The following GALNTL6 variants were observed in gnomAD, a reference collection of about 807,000 sequenced individuals.
GALNTL6 encodes polypeptide N-acetylgalactosaminyltransferase like 6.
In GALNTL6, 46 loss-of-function variants were observed where a neutral mutation model predicts 73.7. The ratio of observed to expected loss-of-function variants is 0.62; its 90% CI spans 0.49 to 0.80. The LOEUF (loss-of-function observed/expected upper bound fraction) is 0.80, where lower values mean the gene tolerates loss of function less well. GALNTL6 is among the 30% of genes least tolerant of loss of function. The pLI is 0.00. For missense variants in GALNTL6, 604 were observed against 755.0 expected, an observed-to-expected ratio of 0.80 and a Z score of 2.34; for synonymous variants, 259 against 263.7, an observed-to-expected ratio of 0.98 and a Z score of 0.17.
chr4:172,813,439 G>C, intron 6 of GALNTL6, 101 bp from the exon 7 acceptor site: 4 of 890,212 alleles, frequency 4.5e-6, no homozygotes, highest in Non-Finnish European at 6.8e-6. Flanking sequence ...ACGGCTGCAA[G>C]CATTATGCAT....
At chr4:172,715,947 C>A in intron 5 of GALNTL6, among the ~76,000 whole-genome samples, 1 of 152,066 alleles carries the variant, frequency 6.6e-6, no homozygotes. Context: ...CTCAAATAAT[C>A]CTGGTATTTA....
chr4:172,165,434 C>A (rs60221121), intron 2 of GALNTL6, among the ~76,000 whole-genome samples: 1,596 of 152,240 alleles, frequency 0.01, 28 homozygotes, highest in African/African-American at 0.035. Context: ...CCCACCACAT[C>A]ATAGCTGTTC....
Position 172,588,444 on chromosome 4 carries a change from C to G in GALNTL6, c.554-220917C>G, listed in dbSNP as rs537819354. Among the ~76,000 whole-genome samples, 104 of 151,370 alleles carry G rather than the reference C, an allele frequency of 6.9e-4. 1 individual carries two copies. Among genetic ancestry groups the G allele is most frequent in the African/African-American group, 2.5e-3 (103 of 41,252 alleles). On this transcript the variant is annotated intron_variant, in intron 5 of 12. Transcript: ENST00000506823. The stretch of plus-strand genomic sequence containing the variant: ...CCCTGTCTCAGCAAAAAATACAAAA[C>G]TTAGCTGAGCGTGGTGGCGTGTACC...
chr4:172,723,545 T>A (rs1206848446), intron 5 of GALNTL6, among the ~76,000 whole-genome samples: 4 of 152,200 alleles, frequency 2.6e-5, no homozygotes, highest in Non-Finnish European at 5.9e-5. Flanking sequence ...TTATCTTTTT[T>A]TATACTGTCC....
chr4:172,164,121 G>A (rs1219125271), intron 2 of GALNTL6, among the ~76,000 whole-genome samples: 1 of 151,908 alleles, frequency 6.6e-6, no homozygotes, highest in Non-Finnish European at 1.5e-5. Flanking sequence ...TGAGCATATG[G>A]CCAATGAATA....
rs191600616 is a variant in GALNTL6, at chr4:172,701,968, A to T, written c.554-107393A>T. On this transcript the variant is annotated intron_variant, in intron 5 of 12. Coordinates refer to ENST00000506823, the MANE Select transcript of GALNTL6 (RefSeq NM_001034845.3). ...AAAATCAAACAAAATAAAAAATATT[A>T]CCCTAAACATCAGACAAAAAGAAAT... Among the ~76,000 whole-genome samples, 472 of 152,206 alleles carry T rather than the reference A, an allele frequency of 3.1e-3. 4 individuals are homozygous for T. Among genetic ancestry groups the T allele is most frequent in the Non-Finnish European group, 5.1e-3 (348 of 67,974 alleles).
chr4:172,439,883 T>C (rs542146206), intron 5 of GALNTL6, among the ~76,000 whole-genome samples: 1 of 152,052 alleles, frequency 6.6e-6, no homozygotes, highest in Non-Finnish European at 1.5e-5. Flanking sequence ...CCCAACAGAG[T>C]GGAACATTTG....
At chr4:171,970,893 A>G (rs1477049255) in intron 2 of GALNTL6, among the ~76,000 whole-genome samples, 2 of 152,254 alleles carry the variant, frequency 1.3e-5, no homozygotes, top group Admixed American at 1.3e-4. Flanking sequence ...TCACTACTGA[A>G]GTCAATATCT....
chr4:172,857,377 T>C (rs574214909), intron 7 of GALNTL6, among the ~76,000 whole-genome samples: 1 of 152,194 alleles, frequency 6.6e-6, no homozygotes, highest in African/African-American at 2.4e-5. Context: ...CTATGTCTCA[T>C]CCACTTAGCA....
At chr4:172,718,076 G>A (rs1007086094) in intron 5 of GALNTL6, among the ~76,000 whole-genome samples, 1 of 152,174 alleles carries the variant, frequency 6.6e-6, no homozygotes, top group Non-Finnish European at 1.5e-5. Flanking sequence ...TGGAAACTAG[G>A]TGGTAGAATG....
At chr4:171,973,488 A>G (rs1739629801) in intron 2 of GALNTL6, among the ~76,000 whole-genome samples, 1 of 151,978 alleles carries the variant, frequency 6.6e-6, no homozygotes, top group Non-Finnish European at 1.5e-5. Flanking sequence ...AATTTCTGTC[A>G]CGTTTTCACA....
chr4:172,849,049 C>T (rs1279268175), intron 7 of GALNTL6, among the ~76,000 whole-genome samples: 1 of 151,990 alleles, frequency 6.6e-6, no homozygotes, highest in Non-Finnish European at 1.5e-5. Context: ...CCATCCCCAT[C>T]CCCTGAAAGC....
intron 5 of GALNTL6, among the ~76,000 whole-genome samples, chr4:172,593,068 C>T (rs1579221682): frequency 2.0e-5 from 3 of 152,154 alleles, no homozygotes; most frequent in Non-Finnish European, 4.4e-5. Context: ...GGAAAAAAGA[C>T]AACCCACCAC....
chr4:172,503,859 G>C (rs1734352149), intron 5 of GALNTL6, among the ~76,000 whole-genome samples: 1 of 151,990 alleles, frequency 6.6e-6, no homozygotes, highest in Non-Finnish European at 1.5e-5. Flanking sequence ...AAGGGAAACA[G>C]GTGTAAGGAC....
chr4:171,894,589 A>T (rs1219523579), intron 2 of GALNTL6, among the ~76,000 whole-genome samples: 1 of 152,188 alleles, frequency 6.6e-6, no homozygotes, highest in Non-Finnish European at 1.5e-5. Context: ...TCTTTTGTCC[A>T]GGCCTCAAGC....
chr4:172,450,908 CTTA>C (rs1039959109), intron 5 of GALNTL6, among the ~76,000 whole-genome samples: 1 of 152,142 alleles, frequency 6.6e-6, no homozygotes, highest in African/African-American at 2.4e-5. Flanking sequence ...TTACATGACA[CTTA>C]TTATTATTAG....
At chr4:172,498,833 GA>G (rs930425334) in intron 5 of GALNTL6, among the ~76,000 whole-genome samples, 2 of 151,992 alleles carry the variant, frequency 1.3e-5, no homozygotes, top group Middle Eastern at 3.4e-3. Context: ...AGCTCTTTAT[GA>G]AAAAAAATTA....
chr4:172,471,429 T>A (rs1237797343), intron 5 of GALNTL6, among the ~76,000 whole-genome samples: 1 of 152,254 alleles, frequency 6.6e-6, no homozygotes, highest in Admixed American at 6.5e-5. Flanking sequence ...TTGTTTTGTT[T>A]ATGTTTTACC....
chr4:172,209,440 GGTC>G, intron 2 of GALNTL6, among the ~76,000 whole-genome samples: 1 of 94,688 alleles, frequency 1.1e-5, no homozygotes, highest in African/African-American at 3.5e-5. Flanking sequence ...CAGGGTCTCT[GGTC>G]AAAAAAAAAA....
Sources: gnomAD v4.1 joint callset for allele counts (sites outside exome capture counted in the v4.1 genomes callset) on GRCh38, gnomAD v4.1.1 for gene constraint, MANE v1.5 for transcripts, NCBI Gene and HGNC (gene_info 2026-07-23, HGNC 2026-07-21) for gene names.